Variants in CFAP20DC observed in about 807,000 individuals in gnomAD.
The protein encoded by CFAP20DC is CFAP20 domain containing.
A neutral mutation model predicts 101.7 loss-of-function variants in CFAP20DC; 84 were observed. The ratio of observed to expected loss-of-function variants is 0.83; its 90% CI spans 0.69 to 0.99. CFAP20DC has a LOEUF of 0.99. Among genes scored for constraint, CFAP20DC ranks in the 50% least tolerant of loss-of-function variants. The pLI, the probability that CFAP20DC is intolerant of heterozygous loss-of-function variation, is 0.00. For missense variants in CFAP20DC, 1,007 were observed against 970.3 expected (o/e 1.04, Z -0.50); for synonymous variants, 359 against 351.2 (o/e 1.02, Z -0.25).
At chr3:58,977,847 C>G (rs1393677916) in intron 4 of CFAP20DC, among the ~76,000 whole-genome samples, 1 of 152,128 alleles carries the variant, frequency 6.6e-6, no homozygotes, top group Non-Finnish European at 1.5e-5. Context: ...GTGTTTGTCT[C>G]TCCCCACTCT....
chr3:58,754,009 C>A (rs1388275939), intron 15 of CFAP20DC, 146 bp from the exon 16 acceptor site: 4 of 589,774 alleles, frequency 6.8e-6, no homozygotes, highest in Non-Finnish European at 1.2e-5. Flanking sequence ...GTCCAGATAT[C>A]AATATCCAGT....
At chr3:58,833,233 A>G (rs1184609940) in intron 13 of CFAP20DC, among the ~76,000 whole-genome samples, 1 of 152,204 alleles carries the variant, frequency 6.6e-6, no homozygotes, top group Admixed American at 6.5e-5. Context: ...TTGCCAGTGG[A>G]AACTCAGTTA....
intron 15 of CFAP20DC, among the ~76,000 whole-genome samples, chr3:58,784,289 T>TC (rs1304103252): frequency 2.0e-5 from 3 of 152,032 alleles, no homozygotes; most frequent in Non-Finnish European, 4.4e-5. Flanking sequence ...CAGTACTCCA[T>TC]CATGTATATG....
chr3:58,841,893 A>C (rs2077142851), intron 13 of CFAP20DC, among the ~76,000 whole-genome samples: 1 of 152,224 alleles, frequency 6.6e-6, no homozygotes, highest in South Asian at 2.1e-4. Context: ...TGTTTAAAGA[A>C]ACACATAATG....
rs530882466 is a variant in CFAP20DC at position 58,815,909 on chromosome 3, C to T, written c.2176-9453G>A. ...AAATAGGAACACTTTTACACTGTTGCTGGGACTGTAAACTAGTTCAACCAT... is the reference window on the plus strand; with the variant it reads ...AAATAGGAACACTTTTACACTGTTGTTGGGACTGTAAACTAGTTCAACCAT... On this transcript the variant is annotated intron_variant, in intron 14 of 16. Coordinates refer to ENST00000482387, the MANE Select transcript of CFAP20DC (RefSeq NM_001394063.1). Among the ~76,000 whole-genome samples, 59 of 151,550 alleles carry T rather than the reference C, an allele frequency of 3.9e-4. No individual in the cohort carries two copies. In the East Asian group the frequency reaches 0.011, roughly 27 times the overall value.
intron 14 of CFAP20DC, among the ~76,000 whole-genome samples, chr3:58,816,759 C>T (rs1475646532): frequency 1.3e-5 from 2 of 152,166 alleles, no homozygotes; most frequent in East Asian, 1.9e-4. Flanking sequence ...ACAAAGCAGC[C>T]AGGAAGCTCG....
intron 15 of CFAP20DC, among the ~76,000 whole-genome samples, chr3:58,756,543 T>C (rs990527802): frequency 5.3e-5 from 8 of 152,126 alleles, no homozygotes; most frequent in Non-Finnish European, 1.2e-4. Flanking sequence ...TTGTTGATTT[T>C]TATTACTTTT....
chr3:58,929,286 T>A (rs564612756), intron 5 of CFAP20DC, among the ~76,000 whole-genome samples: 1 of 152,204 alleles, frequency 6.6e-6, no homozygotes, highest in Admixed American at 6.5e-5. Flanking sequence ...CAGATTTTGA[T>A]GAAATATCTA....
intron 15 of CFAP20DC, among the ~76,000 whole-genome samples, chr3:58,774,839 T>A (rs1247981127): frequency 6.6e-6 from 1 of 152,226 alleles, no homozygotes; most frequent in Non-Finnish European, 1.5e-5. Context: ...GTTTTAGCTA[T>A]AAAGTGATGG....
intron 5 of CFAP20DC, among the ~76,000 whole-genome samples, chr3:58,918,253 G>A (rs2084953398): frequency 6.6e-6 from 1 of 152,176 alleles, no homozygotes; most frequent in Non-Finnish European, 1.5e-5. Flanking sequence ...GAGGCAGTGG[G>A]AGAGGGTGTA....
intron 15 of CFAP20DC, among the ~76,000 whole-genome samples, chr3:58,790,625 A>G (rs1328660207): frequency 6.6e-6 from 1 of 152,196 alleles, no homozygotes; most frequent in Non-Finnish European, 1.5e-5. Flanking sequence ...GTGATTTTTT[A>G]GGTGACCAAA....
At chr3:59,008,671 G>A (rs536831905) in intron 4 of CFAP20DC, among the ~76,000 whole-genome samples, 164 of 152,040 alleles carry the variant, frequency 1.1e-3, no homozygotes, top group African/African-American at 3.8e-3. Context: ...GAGAACACAT[G>A]GACACAGGAA....
intron 5 of CFAP20DC, among the ~76,000 whole-genome samples, chr3:58,916,659 G>C (rs2084758121): frequency 6.6e-6 from 1 of 152,056 alleles, no homozygotes; most frequent in Admixed American, 6.6e-5. Context: ...TTTATTTAAT[G>C]AATCAATTTC....
intron 4 of CFAP20DC, among the ~76,000 whole-genome samples, chr3:59,022,598 C>G (rs1056609040): frequency 9.9e-5 from 15 of 152,020 alleles, no homozygotes; most frequent in African/African-American, 3.4e-4. Context: ...ATGGTAATGT[C>G]TATGTACATG....
downstream of CFAP20DC, among the ~76,000 whole-genome samples, chr3:58,740,151 T>C (rs1025996556): frequency 3.3e-5 from 5 of 151,926 alleles, no homozygotes; most frequent in Non-Finnish European, 7.4e-5. This position sits in a 1 kb window ranked among gnomAD's most constrained non-coding sequence, Gnocchi z 4.6. Flanking sequence ...AGCTGAGAAA[T>C]GTATGAGAAG....
intron 4 of CFAP20DC, among the ~76,000 whole-genome samples, chr3:58,976,776 G>A (rs911004906): frequency 1.3e-5 from 2 of 152,120 alleles, no homozygotes; most frequent in Non-Finnish European, 2.9e-5. Flanking sequence ...AGACACGCAT[G>A]TCAGGTTCAC....
chr3:58,816,583 C>A (rs1230875992), intron 14 of CFAP20DC, among the ~76,000 whole-genome samples: 1 of 152,052 alleles, frequency 6.6e-6, no homozygotes, highest in Non-Finnish European at 1.5e-5. Context: ...CTTTTCAGAC[C>A]GGCTTAAAAA....
At chr3:58,803,650 T>A (rs2073862244) in intron 15 of CFAP20DC, among the ~76,000 whole-genome samples, 1 of 152,236 alleles carries the variant, frequency 6.6e-6, no homozygotes. Context: ...AATGCCTTCC[T>A]GCCAATTCTC....
intron 15 of CFAP20DC, among the ~76,000 whole-genome samples, chr3:58,762,140 T>TA (rs2069680121): frequency 6.6e-6 from 1 of 152,206 alleles, no homozygotes; most frequent in African/African-American, 2.4e-5. Context: ...AGTGGGGTGT[T>TA]AAAGTCTCCC....
Sources: gnomAD v4.1 joint callset for allele counts (sites outside exome capture counted in the v4.1 genomes callset) on GRCh38, gnomAD v4.1.1 for gene constraint, Gnocchi (gnomAD v3.1) non-coding constraint, MANE v1.5 for transcripts, NCBI Gene and HGNC (gene_info 2026-07-23, HGNC 2026-07-21) for gene names.